The following SALL2 variants were observed in gnomAD, a reference collection of about 807,000 sequenced individuals.
SALL2 encodes spalt like transcription factor 2, also known as sal-like protein 2.
Under a neutral mutation model 58.5 loss-of-function variants are expected in SALL2, and 32 were observed. The observed-to-expected ratio is 0.55, with a 90% confidence interval of 0.41 to 0.74. SALL2 has a LOEUF of 0.74. Ranked by LOEUF, SALL2 falls within the 30% of genes least tolerant of loss-of-function variation. The pLI is 0.00. For missense variants in SALL2, 1,201 were observed against 1,268.9 expected, an observed-to-expected ratio of 0.95 and a Z score of 0.81; for synonymous variants, 516 against 513.6, an observed-to-expected ratio of 1.00 and a Z score of -0.06.
At chr14:21,531,224 C>A (rs1307636460), upstream of SALL2, among the ~76,000 whole-genome samples, 1 of 152,178 alleles carries the variant, frequency 6.6e-6, no homozygotes, top group African/African-American at 2.4e-5. Context: ...ATGAAAATTT[C>A]TTTGACTTCA....
rs750760303 is a variant in SALL2, at chr14:21,525,660, G to T, written c.68-6C>A. The T allele has an allele frequency of 2.6e-6, 4 of 1,561,316 alleles. No homozygotes were observed. In the Admixed American group the frequency reaches 7.3e-5, roughly 28 times the overall value. ...ATCCTCCTCGCTAGCATCACCTGGG[G>T]AGAAGACAAGGAGAGAGAGCGTGGG... On this transcript the variant is annotated splice_region_variant and splice_polypyrimidine_tract_variant and intron_variant, in intron 1 of 1. Coordinates refer to ENST00000537235, the MANE Select transcript of SALL2 (RefSeq NM_001364564.1). The surrounding 1 kb of genome is among the most constrained non-coding windows in gnomAD (Gnocchi z 4.4).
intron 1 of SALL2, among the ~76,000 whole-genome samples, chr14:21,535,082 A>G (rs1299710598): frequency 6.6e-6 from 1 of 152,186 alleles, no homozygotes; most frequent in Non-Finnish European, 1.5e-5. Context: ...GCGGTGGCTC[A>G]CGCCTGTAAT....
rs1318451340 is a variant in SALL2, at chr14:21,525,290, C to A, written c.432G>T (p.Lys144Asn). Residue 144 changes from lysine to asparagine, a missense_variant, in exon 2 of 2, where the codon AAG (lysine) becomes AAT (asparagine). By Grantham distance (94) the Lys-to-Asn change is moderately conservative (BLOSUM62 0). Coordinates refer to ENST00000537235, the MANE Select transcript of SALL2 (RefSeq NM_001364564.1). This position sits in a 1 kb window ranked among gnomAD's most constrained non-coding sequence, Gnocchi z 4.4. ...GGGGLILASP[K>N]LGATPLPPES... ...CTGGAGGTAATGGGGTTGCTCCCAG[C>A]TTGGGACTGGCCAAGATCAGGCCCC... is the stretch of plus-strand genomic sequence containing the variant. 6.2e-7 allele frequency: 1 copy of A among 1,612,468 alleles called. No individual in the cohort carries two copies. The highest frequency in any genetic ancestry group is 1.1e-5 in the South Asian group (1 of 90,858).
Position 21,523,534 on chromosome 14 carries a change from C to A in SALL2, c.2188G>T (p.Ala730Ser), listed in dbSNP as rs367559562. The stretch of plus-strand genomic sequence containing the variant: ...GATTGCTCGGAGCCATTCTCCTGAG[C>A]AGCTCCTCCACCTTCAGGGAGTGCA... The part of the protein sequence containing the change: ...GTALPEGGGA[A>S]QENGSEQSTV... Residue 730 changes from alanine to serine, a missense_variant, in exon 2 of 2, where the codon GCT becomes TCT. Physicochemically the swap from Ala to Ser is moderately conservative, Grantham distance 99 (BLOSUM62 1). Around this residue, in one of 3 missense-constraint regions of SALL2, gnomAD observed 675 missense variants for 683.8 expected, o/e 0.99. Coordinates refer to ENST00000537235, the MANE Select transcript of SALL2 (RefSeq NM_001364564.1). This position sits in a 1 kb window ranked among gnomAD's most constrained non-coding sequence, Gnocchi z 4.4. 1.2e-6 allele frequency: 2 copies of A among 1,614,226 alleles called. No homozygotes were observed. The highest frequency in any genetic ancestry group is 1.7e-6 in the Non-Finnish European group (2 of 1,180,048).
rs1489058279 is a variant in SALL2, at chr14:21,523,721, G to A, written c.2001C>T (p.Ser667=). The change falls in exon 2 of 2, where the codon TCC becomes TCT. Residue 667 remains serine (S), a synonymous_variant. Transcript: ENST00000537235. This position sits in a 1 kb window ranked among gnomAD's most constrained non-coding sequence, Gnocchi z 4.4. ...FKCKVCGRAF[S]TRGNLRAHFV... ...AATGTGCACGCAGATTACCCCTGGT[G>A]GAGAAGGCTCTGCCACACACTTTGC... The A allele has an allele frequency of 6.2e-7, 1 of 1,614,226 alleles. No individual in the cohort carries two copies. Among genetic ancestry groups the A allele is most frequent in the Admixed American group, 1.7e-5 (1 of 60,024 alleles).
chr14:21,524,824 G>T lies in SALL2; in HGVS notation c.898C>A (p.Pro300Thr). The T allele has an allele frequency of 6.2e-7, 1 of 1,611,782 alleles. No individual in the cohort carries two copies. Among genetic ancestry groups the T allele is most frequent in the Non-Finnish European group, 8.5e-7 (1 of 1,178,808 alleles). ...GTGCTGCCTGGCAAGGCTGGGGAAG[G>T]GGCAGGGGTGGGTTTGTGGCTTCGC... ...VGRSHKPTPA[P>T]SPALPGSTDQ... Residue 300 changes from proline (P) to threonine (T), a missense_variant, in exon 2 of 2, where the codon CCT becomes ACT. This residue lies in a region of SALL2 where 467 missense variants were observed against 468.9 expected (regional missense o/e 1.00). Coordinates refer to ENST00000537235, the MANE Select transcript of SALL2 (RefSeq NM_001364564.1).
intron 1 of SALL2, among the ~76,000 whole-genome samples, chr14:21,536,179 T>C (rs1892591752): frequency 6.6e-6 from 1 of 152,230 alleles, no homozygotes; most frequent in African/African-American, 2.4e-5. Context: ...ATGATATGCA[T>C]GTAGTAACAG....
chr14:21,524,510 A>G lies in SALL2; in HGVS notation c.1212T>C (p.Cys404=), dbSNP rs1253346295. The G allele has an allele frequency of 3.1e-6, 5 of 1,614,128 alleles. No homozygotes were observed. In the East Asian group the frequency reaches 8.9e-5, roughly 29 times the overall value. Residue 404 remains cysteine, a synonymous_variant, in exon 2 of 2, where the codon TGT becomes TGC. Coordinates refer to ENST00000537235, the MANE Select transcript of SALL2 (RefSeq NM_001364564.1). The part of the protein sequence containing the change: ...TGERPYKCNV[C]GNRFTTRGNL... ...TGCCACGGGTGGTAAAACGGTTTCC[A>G]CAGACATTGCACTTATAGGGCCTCT...
At position 21,524,356 on chromosome 14, in the gene SALL2, G is replaced by A. The variant is rs1249081371; in HGVS notation, c.1366C>T (p.Pro456Ser). ...SGLPYGMSVP[P>S]EKAEEEAATP... ...GCTGCCTCCTCCTCGGCCTTCTCTG[G>A]TGGCACGGACATACCATAAGGCAAG... The change falls in exon 2 of 2, where the codon CCA becomes TCA. Residue 456 changes from proline (P) to serine (S), a missense_variant. By Grantham distance (74) the Pro-to-Ser change is moderately conservative. Around this residue, in one of 3 missense-constraint regions of SALL2, gnomAD observed 675 missense variants for 683.8 expected, o/e 0.99. Coordinates refer to ENST00000537235, the MANE Select transcript of SALL2 (RefSeq NM_001364564.1). The A allele has an allele frequency of 4.3e-6, 7 of 1,614,138 alleles. No individual in the cohort carries two copies. The highest frequency in any genetic ancestry group is 5.9e-6 in the Non-Finnish European group (7 of 1,180,022).
At chr14:21,534,432 G>A (rs1305051892) in intron 1 of SALL2, among the ~76,000 whole-genome samples, 1 of 152,128 alleles carries the variant, frequency 6.6e-6, no homozygotes, top group Non-Finnish European at 1.5e-5. Flanking sequence ...ATGCCATTGG[G>A]TTTAAACCTT....
rs138804955 is a variant in SALL2, at chr14:21,524,650, C to G, written c.1072G>C (p.Gly358Arg). Residue 358 changes from glycine to arginine, a missense_variant, in exon 2 of 2, where the codon GGA becomes CGA. Physicochemically the swap from Gly to Arg is moderately radical, Grantham distance 125 (BLOSUM62 -2). This residue lies in a region of SALL2 where 467 missense variants were observed against 468.9 expected (regional missense o/e 1.00). Transcript: ENST00000537235. ...TTCTCCAAGGGACCCATCACTTCTC[C>G]GTAGCTCAGCTCACCACTTCCATTC... The part of the protein sequence containing the change: ...PKNGSGELSY[G>R]EVMGPLEKPG... The G allele has an allele frequency of 2.5e-6, 4 of 1,614,018 alleles. No individual in the cohort carries two copies. The highest frequency in any genetic ancestry group is 3.4e-6 in the Non-Finnish European group (4 of 1,180,042).
chr14:21,531,936 G>A (rs1245194630), intron 1 of SALL2, among the ~76,000 whole-genome samples: 1 of 150,834 alleles, frequency 6.6e-6, no homozygotes, highest in Non-Finnish European at 1.5e-5. Context: ...CACCTTGTTG[G>A]CCAGGCTGGT....
chr14:21,529,024 G>A (rs1044401832), upstream of SALL2, among the ~76,000 whole-genome samples: 5 of 152,138 alleles, frequency 3.3e-5, no homozygotes, highest in East Asian at 1.9e-4. Context: ...TTTCTGATGC[G>A]TAATTTGATC....
Position 21,525,396 on chromosome 14 carries a change from G to C in SALL2, c.326C>G (p.Thr109Ser). ...CTCTCCTCTCCTCTCTGGGCCCCAG[G>C]TGGGATCCGTGGGCACGGAGGACCC... ...DSGSSVPTDP[T>S]WGPERRGEES... Residue 109 changes from threonine to serine, a missense_variant, in exon 2 of 2, where the codon ACC becomes AGC. Thr to Ser is a moderately conservative substitution (Grantham distance 58). Coordinates refer to ENST00000537235, the MANE Select transcript of SALL2 (RefSeq NM_001364564.1). This position sits in a 1 kb window ranked among gnomAD's most constrained non-coding sequence, Gnocchi z 4.4. The C allele has an allele frequency of 6.2e-7, 1 of 1,614,102 alleles. No individual in the cohort carries two copies.
chr14:21,524,910 G>A lies in SALL2; in HGVS notation c.812C>T (p.Ala271Val), dbSNP rs765988175. 2.5e-6 allele frequency: 4 copies of A among 1,614,078 alleles called. No individual in the cohort carries two copies. The highest frequency in any genetic ancestry group is 2.7e-5 in the African/African-American group (2 of 74,942). Residue 271 changes from alanine (A) to valine (V), a missense_variant, in exon 2 of 2, where the codon GCC (alanine) becomes GTC (valine). Ala to Val is a moderately conservative substitution (Grantham distance 64, BLOSUM62 0). Coordinates refer to ENST00000537235, the MANE Select transcript of SALL2 (RefSeq NM_001364564.1). ...CAGTGGGTGGTAAAGGTGGAAGAAG[G>A]CCTGCTTGGGCGTTTCTGCCCCTGA... ...SSSGAETPKQ[A>V]FFHLYHPLGS...
At chr14:21,536,820 G>A (rs1276832555) in intron 1 of SALL2, 3 of 1,609,180 alleles carry the variant, frequency 1.9e-6, no homozygotes, top group Middle Eastern at 1.7e-4. Context: ...CTTGGACTTA[G>A]GGGCCCCCAC....
chr14:21,525,673 G>A lies in SALL2; in HGVS notation c.68-19C>T. ...GCATCACCTGGGGAGAAGACAAGGA[G>A]AGAGAGCGTGGGTGGCGCAGTTGGG... On this transcript the variant is annotated intron_variant, in intron 1 of 1. Coordinates refer to ENST00000537235, the MANE Select transcript of SALL2 (RefSeq NM_001364564.1). This position sits in a 1 kb window ranked among gnomAD's most constrained non-coding sequence, Gnocchi z 4.4. 1.3e-6 allele frequency: 2 copies of A among 1,549,626 alleles called. No individual in the cohort carries two copies. Among genetic ancestry groups the A allele is most frequent in the Non-Finnish European group, 1.7e-6 (2 of 1,146,016 alleles).
rs1288226967 is a variant in SALL2, at chr14:21,524,834, G to A, written c.888C>T (p.Pro296=). The change falls in exon 2 of 2, where the codon CCC becomes CCT. Residue 296 remains proline, a synonymous_variant. Transcript: ENST00000537235. ...GCAAGGCTGGGGAAGGGGCAGGGGT[G>A]GGTTTGTGGCTTCGCCCAACCCCTC... The part of the protein sequence containing the change: ...SAGGVGRSHK[P]TPAPSPALPG... 2 of 1,612,412 alleles carry A rather than the reference G, an allele frequency of 1.2e-6. No individual in the cohort carries two copies. Among genetic ancestry groups the A allele is most frequent in the Non-Finnish European group, 1.7e-6 (2 of 1,179,194 alleles).
chr14:21,523,133 C>A lies in SALL2; in HGVS notation c.2589G>T (p.Glu863Asp). 6.2e-7 allele frequency: 1 copy of A among 1,614,182 alleles called. No homozygotes were observed. ...GSSGVLGGKE[E>D]GGKPERSSSP... ...TTGAGCTTCTCTCCGGTTTGCCCCCCTCTTCCTTGCCTCCTAAAACACCAC... is the reference window on the plus strand; with the variant it reads ...TTGAGCTTCTCTCCGGTTTGCCCCCATCTTCCTTGCCTCCTAAAACACCAC... The change falls in exon 2 of 2, where the codon GAG (glutamate) becomes GAT (aspartate). Residue 863 changes from glutamate (E) to aspartate (D), a missense_variant. Physicochemically the swap from Glu to Asp is conservative, Grantham distance 45. Coordinates refer to ENST00000537235, the MANE Select transcript of SALL2 (RefSeq NM_001364564.1). This position sits in a 1 kb window ranked among gnomAD's most constrained non-coding sequence, Gnocchi z 4.4.
Sources: allele counts gnomAD v4.1 joint callset (sites outside exome capture counted in the v4.1 genomes callset), GRCh38; gene constraint gnomAD v4.1.1; regional missense constraint gnomAD v4.1.1; non-coding constraint Gnocchi (gnomAD v3.1); transcripts MANE v1.5; gene names NCBI Gene and HGNC (gene_info 2026-07-23, HGNC 2026-07-21).